Variants in CACNA1H observed in about 807,000 individuals in gnomAD.
CACNA1H encodes the protein voltage-dependent T-type calcium channel subunit alpha-1H.
A neutral mutation model predicts 192.5 loss-of-function variants in CACNA1H; 149 were observed. The ratio of observed to expected loss-of-function variants is 0.77; its 90% CI spans 0.68 to 0.89. The LOEUF (loss-of-function observed/expected upper bound fraction) is 0.89. Ranked by LOEUF, CACNA1H falls within the 40% of genes least tolerant of loss-of-function variation. The probability of loss-of-function intolerance (pLI) is 0.00; values close to 1 mark genes in which losing one functional copy is unlikely to be tolerated. For synonymous variants in CACNA1H, 2,202 were observed against 1,475.2 expected (o/e 1.49, Z -11.29); for missense variants, 4,257 against 3,423.5 (o/e 1.24, Z -6.08).
chr16:1,204,244 C>T lies in CACNA1H; in HGVS notation c.2237C>T (p.Pro746Leu), dbSNP rs527505920. Reference protein sequence around the residue: ...HGDRWDPTRPPRATDTPGPGP... With the variant: ...HGDRWDPTRPLRATDTPGPGP... Reference sequence around the variant, plus strand: ...GACCGCTGGGACCCCACGCGACCACCCCGTGCGACGGACACACCAGGCCCA... The same window carrying T: ...GACCGCTGGGACCCCACGCGACCACTCCGTGCGACGGACACACCAGGCCCA... The change falls in exon 10 of 35, where the codon CCC (proline) becomes CTC (leucine). Residue 746 changes from proline to leucine, a missense_variant. Physicochemically the swap from Pro to Leu is moderately conservative, Grantham distance 98. Transcript: ENST00000348261. The T allele has an allele frequency of 6.8e-6, 11 of 1,610,596 alleles. No homozygotes were observed. The East Asian group carries it at 8.9e-5, about 13-fold the overall frequency.
chr16:1,193,733 G>T (rs546592746), intron 2 of CACNA1H, among the ~76,000 whole-genome samples: 1 of 152,220 alleles, frequency 6.6e-6, no homozygotes, highest in African/African-American at 2.4e-5. Flanking sequence ...GCCTGGAGCC[G>T]TGGCACTGGC....
In CACNA1H at chr16:1,204,207, G is replaced by A. The variant is rs1567519932; in HGVS notation, c.2200G>A (p.Val734Ile). The stretch of plus-strand genomic sequence containing the variant: ...TGGCGTCTATGAATTCACGCAGGAC[G>A]TCCGGCACGGTGACCGCTGGGACCC... ...GRGVYEFTQD[V>I]RHGDRWDPTR... The change falls in exon 10 of 35, where the codon GTC becomes ATC. Residue 734 changes from valine to isoleucine, a missense_variant. Transcript: ENST00000348261. 1.9e-6 allele frequency: 3 copies of A among 1,611,846 alleles called. No individual in the cohort carries two copies. The highest frequency in any genetic ancestry group is 1.7e-5 in the Admixed American group (1 of 59,916).
intron 31 of CACNA1H, among the ~76,000 whole-genome samples, 196 bp from the exon 32 acceptor site, chr16:1,217,723 G>T (rs1970146881): frequency 6.6e-6 from 1 of 152,240 alleles, no homozygotes; most frequent in Admixed American, 6.5e-5. Flanking sequence ...GGCAGCAGGG[G>T]CCTCGGCCCA....
chr16:1,197,411 T>C (rs1967112259), intron 5 of CACNA1H, among the ~76,000 whole-genome samples: 1 of 152,200 alleles, frequency 6.6e-6, no homozygotes, highest in African/African-American at 2.4e-5. Flanking sequence ...CTTCCTTCCA[T>C]GGATGTTTAC....
intron 11 of CACNA1H, among the ~76,000 whole-genome samples, chr16:1,205,764 G>A (rs1382703821): frequency 1.3e-5 from 2 of 152,194 alleles, no homozygotes; most frequent in East Asian, 3.9e-4. Context: ...ATCCTGGGGC[G>A]GGGAGGGAGT....
rs1051666055 is a variant in CACNA1H, at chr16:1,220,880, C to T, written c.6948C>T (p.Asp2316=). The T allele has an allele frequency of 3.1e-6, 5 of 1,612,308 alleles. No homozygotes were observed. In the African/African-American group the frequency reaches 5.3e-5, roughly 17 times the overall value. The change falls in exon 35 of 35, where the codon GAC becomes GAT. Residue 2316 remains aspartate (D), a synonymous_variant. Transcript: ENST00000348261. ...CAGAGCCTCCCATGCCCGTCGGTGA[C>T]CCCCCAGAGAAGAGGCGGGGGCTGT... ...PESEPPMPVG[D]PPEKRRGLYL...
rs751787751 is a variant in CACNA1H at position 1,220,609 on chromosome 16, C to T, written c.6677C>T (p.Thr2226Met). The change falls in exon 35 of 35, where the codon ACG becomes ATG. Residue 2226 changes from threonine (T) to methionine (M), a missense_variant. Thr to Met is a moderately conservative substitution (Grantham distance 81). Coordinates refer to ENST00000348261, the MANE Select transcript of CACNA1H (RefSeq NM_021098.3). ...CGCAGGACCCCGTCCTGTGAGGCCA[C>T]GCCTCACAGGGACTCCCTGGAGCCC... is the stretch of plus-strand genomic sequence containing the variant. ...LRRRTPSCEA[T>M]PHRDSLEPTE... The T allele has an allele frequency of 5.9e-5, 92 of 1,566,730 alleles. No individual in the cohort carries two copies. Among genetic ancestry groups the T allele is most frequent in the Middle Eastern group, 1.7e-4 (1 of 5,774 alleles).
chr16:1,211,546 G>A lies in CACNA1H; in HGVS notation c.4416G>A (p.Gln1472=). The A allele has an allele frequency of 6.2e-7, 1 of 1,612,262 alleles. No homozygotes were observed. The highest frequency in any genetic ancestry group is 8.5e-7 in the Non-Finnish European group (1 of 1,179,654). Reference sequence around the variant, plus strand: ...CCAGGAACATCTCCACCAAGGCACAGTGCCGGGCCGCCCACTACCGCTGGG... The same window carrying A: ...CCAGGAACATCTCCACCAAGGCACAATGCCGGGCCGCCCACTACCGCTGGG... ...PDTRNISTKA[Q]CRAAHYRWVR... The change falls in exon 23 of 35, where the codon CAG becomes CAA. Residue 1472 remains glutamine, a synonymous_variant. Transcript: ENST00000348261.
chr16:1,177,434 G>T (rs1163260018), intron 2 of CACNA1H, among the ~76,000 whole-genome samples: 1 of 152,194 alleles, frequency 6.6e-6, no homozygotes, highest in Admixed American at 6.5e-5. Flanking sequence ...CCGTCGCCCC[G>T]GAGTCCCCCA....
At chr16:1,191,456 T>A (rs1234466645) in intron 2 of CACNA1H, among the ~76,000 whole-genome samples, 1 of 61,790 alleles carries the variant, frequency 1.6e-5, no homozygotes, top group Non-Finnish European at 3.0e-5. Context: ...AGGGTTTTGG[T>A]GACCCAGCAG....
At chr16:1,194,783 G>A (rs1270137824) in intron 2 of CACNA1H, among the ~76,000 whole-genome samples, 189 bp from the exon 3 acceptor site, 1 of 152,196 alleles carries the variant, frequency 6.6e-6, no homozygotes, top group Non-Finnish European at 1.5e-5. Context: ...CCAGGCGCAG[G>A]CCCCAGGCGC....
intron 2 of CACNA1H, among the ~76,000 whole-genome samples, chr16:1,173,904 A>G (rs1243576206): frequency 4.7e-5 from 7 of 149,752 alleles, no homozygotes; most frequent in East Asian, 1.9e-4. Flanking sequence ...TTACCTGTGC[A>G]CACAGTGGGG....
chr16:1,166,334 C>T (rs1963770950), intron 2 of CACNA1H, among the ~76,000 whole-genome samples: 1 of 152,332 alleles, frequency 6.6e-6, no homozygotes, highest in South Asian at 2.1e-4. Context: ...CTCCGTGGCT[C>T]CAGGCCAAGT....
In CACNA1H at chr16:1,202,439, G is replaced by A. The variant is rs1340658234; in HGVS notation, c.1989G>A (p.Val663=). Residue 663 remains valine, a synonymous_variant, in exon 9 of 35, where the codon GTG becomes GTA. Coordinates refer to ENST00000348261, the MANE Select transcript of CACNA1H (RefSeq NM_021098.3). ...ATCCCTACGAGAAGATCCCGCATGT[G>A]GTCGGGGAGCATGGTGAGGACCCAG... ...SPDPYEKIPH[V]VGEHGLGQAP... 3.3e-6 allele frequency: 5 copies of A among 1,499,588 alleles called. No individual in the cohort carries two copies. Among genetic ancestry groups the A allele is most frequent in the Non-Finnish European group, 2.7e-6 (3 of 1,120,002 alleles). 92.9% of individuals were successfully genotyped at this position (1,499,588 alleles called of 1,614,324 possible).
chr16:1,208,368 G>C, intron 16 of CACNA1H, 147 bp downstream of exon 16: 1 of 685,778 alleles, frequency 1.5e-6, no homozygotes, highest in Non-Finnish European at 2.5e-6. Context: ...AGAGTGTTCT[G>C]GTTTCCGGAA....
chr16:1,188,279 G>A (rs1966263060), intron 2 of CACNA1H, among the ~76,000 whole-genome samples: 1 of 152,166 alleles, frequency 6.6e-6, no homozygotes, highest in Non-Finnish European at 1.5e-5. Context: ...GGTTGTCCAG[G>A]ACCACCCTTT....
In CACNA1H at chr16:1,219,022, G is replaced by GT; in HGVS notation, c.5940_5941insT (p.Ile1981TyrfsTer49). On this transcript the variant is annotated frameshift_variant, in exon 34 of 35. Coordinates refer to ENST00000348261, the MANE Select transcript of CACNA1H (RefSeq NM_021098.3). LOFTEE classifies it high-confidence loss of function. ...CCGCAGAGTCCTGTGCCTCCCTCCA[G>GT]ATCCCATTGGCTGTGTCGTCCCCAG... 1 of 1,550,230 alleles carries GT rather than the reference G, an allele frequency of 6.5e-7. No homozygotes were observed. The highest frequency in any genetic ancestry group is 8.7e-7 in the Non-Finnish European group (1 of 1,146,880).
chr16:1,170,416 G>A (rs753425833), intron 2 of CACNA1H, among the ~76,000 whole-genome samples: 2 of 152,180 alleles, frequency 1.3e-5, no homozygotes, highest in Non-Finnish European at 2.9e-5. Context: ...CTGTCAGCAT[G>A]GTTTCCCGTA....
chr16:1,156,430 A>G (rs1285407799), intron 2 of CACNA1H, among the ~76,000 whole-genome samples: 3 of 152,144 alleles, frequency 2.0e-5, no homozygotes, highest in Non-Finnish European at 2.9e-5. Context: ...AGGCCTGGAC[A>G]GGTGGGGGGA....
Sources: allele counts gnomAD v4.1 joint callset (sites outside exome capture counted in the v4.1 genomes callset), GRCh38; gene constraint gnomAD v4.1.1; transcripts MANE v1.5; gene names NCBI Gene and HGNC (gene_info 2026-07-23, HGNC 2026-07-21).